The following SHROOM3 variants were observed in gnomAD, a reference collection of about 807,000 sequenced individuals.
SHROOM3 encodes protein Shroom3.
SHROOM3 carries 47 observed loss-of-function variants against 138.6 expected under a neutral mutation model. The ratio of observed to expected loss-of-function variants is 0.34; its 90% CI spans 0.27 to 0.43. SHROOM3 has a LOEUF of 0.43. Ranked by LOEUF, SHROOM3 falls within the 20% of genes least tolerant of loss-of-function variation. The pLI, the probability that SHROOM3 is intolerant of heterozygous loss-of-function variation, is 1.00. For synonymous variants in SHROOM3, 1,062 were observed against 1,063.3 expected, an observed-to-expected ratio of 1.00 and a Z score of 0.02; for missense variants, 2,491 against 2,596.5, an observed-to-expected ratio of 0.96 and a Z score of 0.88.
At chr4:76,550,816 T>C (rs947232079) in intron 1 of SHROOM3, among the ~76,000 whole-genome samples, 2 of 151,672 alleles carry the variant, frequency 1.3e-5, no homozygotes, top group East Asian at 2.0e-4. Flanking sequence ...CTAGGCAACA[T>C]AGTGAGACCT....
chr4:76,470,121 G>T (rs1026828756), intron 1 of SHROOM3, among the ~76,000 whole-genome samples: 11 of 152,024 alleles, frequency 7.2e-5, no homozygotes, highest in African/African-American at 2.7e-4. Flanking sequence ...TATGAAGTAG[G>T]TCCTATTATA....
At chr4:76,515,148 G>C (rs928497432) in intron 1 of SHROOM3, among the ~76,000 whole-genome samples, 4 of 150,338 alleles carry the variant, frequency 2.7e-5, no homozygotes, top group Non-Finnish European at 5.9e-5. Context: ...CCAAGAGGTA[G>C]AAGTTGCAGT....
intron 2 of SHROOM3, among the ~76,000 whole-genome samples, chr4:76,585,535 C>T (rs1221741191): frequency 2.0e-5 from 3 of 152,154 alleles, no homozygotes; most frequent in Non-Finnish European, 4.4e-5. Flanking sequence ...ATTGCGGTTT[C>T]AGGGCCTCAG....
chr4:76,724,057 T>C (rs344094), intron 3 of SHROOM3, among the ~76,000 whole-genome samples: 1 of 152,042 alleles, frequency 6.6e-6, no homozygotes. Flanking sequence ...CAGAAACTTG[T>C]TTTGCATTCC....
chr4:76,696,761 T>G (rs998244813), intron 2 of SHROOM3, among the ~76,000 whole-genome samples: 10 of 152,180 alleles, frequency 6.6e-5, no homozygotes, highest in African/African-American at 1.9e-4. Context: ...TGTTCTTAAG[T>G]TAGTCAACAT....
chr4:76,548,068 A>C (rs6532473), intron 1 of SHROOM3, among the ~76,000 whole-genome samples: 32,922 of 152,106 alleles, frequency 0.22, 3,887 homozygotes, highest in East Asian at 0.47. Flanking sequence ...CCTCTGGAAG[A>C]CGAATTTGTG....
At chr4:76,563,535 A>G (rs1303709133) in intron 2 of SHROOM3, among the ~76,000 whole-genome samples, 1 of 152,204 alleles carries the variant, frequency 6.6e-6, no homozygotes, top group Non-Finnish European at 1.5e-5. Context: ...TATTTGCACC[A>G]TCTGGTGTTT....
chr4:76,456,042 CTG>C (rs1353345239), intron 1 of SHROOM3, among the ~76,000 whole-genome samples: 6 of 152,126 alleles, frequency 3.9e-5, no homozygotes, highest in African/African-American at 9.7e-5. Context: ...GAGTCTCACT[CTG>C]TCAGCAGGCT....
intron 1 of SHROOM3, among the ~76,000 whole-genome samples, chr4:76,459,654 T>G (rs1731101928): frequency 6.6e-6 from 1 of 152,126 alleles, no homozygotes; most frequent in African/African-American, 2.4e-5. Flanking sequence ...TGAGTCATGA[T>G]GCAGTCTAGG....
chr4:76,491,423 C>T lies in SHROOM3; in HGVS notation c.168+55203C>T, dbSNP rs574689880. 1.7e-3 allele frequency among the ~76,000 whole-genome samples: 256 copies of T among 152,342 alleles called. 1 individual carries two copies. Among genetic ancestry groups the T allele is most frequent in the African/African-American group, 5.9e-3 (246 of 41,582 alleles). On this transcript the variant is annotated intron_variant, in intron 1 of 10. Coordinates refer to ENST00000296043, the MANE Select transcript of SHROOM3 (RefSeq NM_020859.4). The stretch of plus-strand genomic sequence containing the variant: ...TTGTCAGAGCCTTTGTTTTACTACA[C>T]AGAAGCTTAAAACGCTGGATGCTTG...
intron 2 of SHROOM3, among the ~76,000 whole-genome samples, chr4:76,567,122 G>T (rs1438500121): frequency 6.6e-6 from 1 of 152,228 alleles, no homozygotes; most frequent in African/African-American, 2.4e-5. Context: ...TGCTTAGTGG[G>T]TGGGATGTGT....
chr4:76,724,071 A>ATC (rs1449354637), intron 3 of SHROOM3, among the ~76,000 whole-genome samples: 1 of 152,190 alleles, frequency 6.6e-6, no homozygotes, highest in Non-Finnish European at 1.5e-5. Context: ...GCATTCCTGA[A>ATC]TCTCTCTGTG....
chr4:76,469,796 T>C (rs1731330025), intron 1 of SHROOM3, among the ~76,000 whole-genome samples: 1 of 152,094 alleles, frequency 6.6e-6, no homozygotes, highest in Admixed American at 6.5e-5. Context: ...GATGAGAGGA[T>C]TGGGGTCAGG....
At chr4:76,763,284 G>A (rs1722044777) in intron 9 of SHROOM3, among the ~76,000 whole-genome samples, 1 of 152,122 alleles carries the variant, frequency 6.6e-6, no homozygotes, top group Non-Finnish European at 1.5e-5. Flanking sequence ...CTACTCGGAA[G>A]GCTGAGGCAG....
chr4:76,587,452 C>A (rs1311553286), intron 2 of SHROOM3, among the ~76,000 whole-genome samples: 35 of 152,018 alleles, frequency 2.3e-4, no homozygotes, highest in Admixed American at 2.2e-3. Context: ...GATGTAAACA[C>A]CTTCATGAAA....
At chr4:76,599,971 C>G (rs1734470555) in intron 2 of SHROOM3, among the ~76,000 whole-genome samples, 5 of 150,958 alleles carry the variant, frequency 3.3e-5, no homozygotes, top group African/African-American at 7.3e-5. Flanking sequence ...CATAGCGGAC[C>G]CTATTTCTAA....
intron 2 of SHROOM3, among the ~76,000 whole-genome samples, chr4:76,687,991 G>T (rs1189285679): frequency 1.3e-5 from 2 of 152,156 alleles, no homozygotes; most frequent in South Asian, 2.1e-4. Context: ...CCCCCCACGC[G>T]CAATGGCAGC....
chr4:76,583,637 G>A (rs984987525), intron 2 of SHROOM3, among the ~76,000 whole-genome samples: 1 of 152,206 alleles, frequency 6.6e-6, no homozygotes, highest in African/African-American at 2.4e-5. Context: ...GCTTAGGTGT[G>A]CATTCCAGAT....
chr4:76,678,094 C>G (rs1719092574), intron 2 of SHROOM3, among the ~76,000 whole-genome samples: 1 of 152,080 alleles, frequency 6.6e-6, no homozygotes, highest in Admixed American at 6.6e-5. Context: ...TTTTTTAAGT[C>G]AACAATTAAA....
Sources: allele counts gnomAD v4.1 joint callset (sites outside exome capture counted in the v4.1 genomes callset), GRCh38; gene constraint gnomAD v4.1.1; transcripts MANE v1.5; gene names NCBI Gene and HGNC (gene_info 2026-07-23, HGNC 2026-07-21).